SLC9C1: variants seen among roughly 807,000 people sequenced by gnomAD.
SLC9C1 encodes solute carrier family 9 member C1.
Under a neutral mutation model 140.9 loss-of-function variants are expected in SLC9C1, and 97 were observed. The observed-to-expected ratio is 0.69, with a 90% CI of 0.58 to 0.82. The LOEUF (loss-of-function observed/expected upper bound fraction) is 0.82. SLC9C1 is among the 40% of genes least tolerant of loss of function. SLC9C1 has a pLI of 0.00. For missense variants in SLC9C1, 1,340 were observed against 1,389.3 expected, an observed-to-expected ratio of 0.96 and a Z score of 0.56; for synonymous variants, 440 against 442.6, an observed-to-expected ratio of 0.99 and a Z score of 0.07.
At chr3:112,180,058 C>A (rs1438622810) in intron 22 of SLC9C1, among the ~76,000 whole-genome samples, 3 of 152,150 alleles carry the variant, frequency 2.0e-5, no homozygotes, top group Admixed American at 2.0e-4. Flanking sequence ...GAAAGTATGG[C>A]TTTAAAATGA....
At chr3:112,231,578 T>A in intron 12 of SLC9C1, 92 bp from the exon 13 acceptor site, 1 of 1,276,866 alleles carries the variant, frequency 7.8e-7, no homozygotes, top group Non-Finnish European at 1.1e-6. Flanking sequence ...CCAGTTTGCA[T>A]TGAAAAATGG....
chr3:112,197,392 C>T (rs980980984), intron 20 of SLC9C1, among the ~76,000 whole-genome samples: 22 of 152,062 alleles, frequency 1.4e-4, no homozygotes, highest in African/African-American at 4.6e-4. Flanking sequence ...TTAGAAACAG[C>T]GATCAATCAG....
At chr3:112,293,023 C>G (rs1027313846) in intron 1 of SLC9C1, among the ~76,000 whole-genome samples, 1 of 150,026 alleles carries the variant, frequency 6.7e-6, no homozygotes, top group Non-Finnish European at 1.5e-5. Flanking sequence ...AATCCCAGCA[C>G]TTTGGGAGGC....
intron 10 of SLC9C1, among the ~76,000 whole-genome samples, chr3:112,257,562 A>G (rs1344663774): frequency 6.6e-6 from 1 of 152,222 alleles, no homozygotes; most frequent in Non-Finnish European, 1.5e-5. Flanking sequence ...AGATAGATTA[A>G]AGACTTAAAT....
chr3:112,148,237 C>A (rs1254606314), intron 28 of SLC9C1, among the ~76,000 whole-genome samples: 2 of 152,050 alleles, frequency 1.3e-5, no homozygotes, highest in Admixed American at 1.3e-4. Flanking sequence ...ATAATCCATG[C>A]TTTGACTTCC....
At chr3:112,172,335 AAG>A (rs1266348993) in intron 23 of SLC9C1, among the ~76,000 whole-genome samples, 1 of 151,928 alleles carries the variant, frequency 6.6e-6, no homozygotes, top group Non-Finnish European at 1.5e-5. Flanking sequence ...TTTTTGTAAA[AAG>A]AATTAAAAAT....
intron 6 of SLC9C1, 145 bp downstream of exon 6, chr3:112,274,752 C>A: frequency 1.3e-6 from 1 of 760,164 alleles, no homozygotes. Context: ...TGTAATAGTG[C>A]TTTGTAAAGA....
At chr3:112,253,927 A>T (rs2079534290) in intron 10 of SLC9C1, among the ~76,000 whole-genome samples, 1 of 152,230 alleles carries the variant, frequency 6.6e-6, no homozygotes, top group Non-Finnish European at 1.5e-5. Flanking sequence ...AAAGCACACT[A>T]CAAAAATTCC....
chr3:112,227,842 A>G (rs2078722166), intron 13 of SLC9C1, among the ~76,000 whole-genome samples: 1 of 152,162 alleles, frequency 6.6e-6, no homozygotes, highest in South Asian at 2.1e-4. Flanking sequence ...ATACATAAGA[A>G]TACATTTAAC....
intron 20 of SLC9C1, among the ~76,000 whole-genome samples, chr3:112,197,292 C>T (rs904401564): frequency 3.9e-5 from 6 of 152,044 alleles, no homozygotes; most frequent in Non-Finnish European, 5.9e-5. Context: ...CCTTTAAATC[C>T]TTTGGAAGTC....
chr3:112,205,224 G>C (rs1211852243), intron 16 of SLC9C1, among the ~76,000 whole-genome samples: 1 of 151,950 alleles, frequency 6.6e-6, no homozygotes, highest in Non-Finnish European at 1.5e-5. Context: ...CAAAATCAAT[G>C]TACAAAAATC....
intron 11 of SLC9C1, among the ~76,000 whole-genome samples, chr3:112,243,384 A>G (rs4682380): frequency 0.59 from 89,984 of 152,070 alleles, 27,146 homozygotes; most frequent in East Asian, 0.79. Flanking sequence ...AAAGCCAGAG[A>G]CCACTATCCT....
intron 20 of SLC9C1, among the ~76,000 whole-genome samples, chr3:112,189,973 G>A (rs1004534332): frequency 2.0e-4 from 31 of 152,054 alleles, no homozygotes; most frequent in Admixed American, 1.5e-3. Flanking sequence ...GGATTCCTAG[G>A]TATTTTATTC....
At position 112,263,105 on chromosome 3, in the gene SLC9C1, G is replaced by T; in HGVS notation, c.1023-7C>A. The T allele has an allele frequency of 1.3e-6, 2 of 1,556,530 alleles. No individual in the cohort carries two copies. Among genetic ancestry groups the T allele is most frequent in the African/African-American group, 1.4e-5 (1 of 72,090 alleles). ...TAAAAGAAGGGTCAGAAATCTAAAA[G>T]ACAAAACAATTTTTACAAAGTTATT... On this transcript the variant is annotated splice_polypyrimidine_tract_variant and splice_region_variant and intron_variant, in intron 9 of 28. Transcript: ENST00000305815.
intron 26 of SLC9C1, among the ~76,000 whole-genome samples, chr3:112,165,326 C>G (rs2087767): frequency 0.4 from 60,941 of 152,006 alleles, 12,731 homozygotes; most frequent in East Asian, 0.62. Flanking sequence ...GAGCTGCATT[C>G]CTTTAGAGAA....
rs568115904 is a variant in SLC9C1, at chr3:112,178,951, T to TA, written c.2919+579dup. ...AAGATAAATGTTTACTTCTTTCTCT[T>TA]AAAAAATCCATTTTCAAAGTAATAA... On this transcript the variant is annotated intron_variant, in intron 23 of 28. Coordinates refer to ENST00000305815, the MANE Select transcript of SLC9C1 (RefSeq NM_183061.3). Among the ~76,000 whole-genome samples, 144 of 152,224 alleles carry TA rather than the reference T, an allele frequency of 9.5e-4. 1 individual carries two copies. Among genetic ancestry groups the TA allele is most frequent in the Non-Finnish European group, 1.9e-3 (129 of 68,024 alleles).
At chr3:112,216,451 TACCCA>T (rs921223856) in intron 15 of SLC9C1, among the ~76,000 whole-genome samples, 1 of 151,958 alleles carries the variant, frequency 6.6e-6, no homozygotes, top group African/African-American at 2.4e-5. Flanking sequence ...TTTTGCAATA[TACCCA>T]TCTGACAAAG....
chr3:112,177,773 T>C (rs2077367548), intron 23 of SLC9C1, among the ~76,000 whole-genome samples: 2 of 150,528 alleles, frequency 1.3e-5, no homozygotes, highest in East Asian at 2.0e-4. Context: ...CCTCATATAT[T>C]TTATTAAGTT....
chr3:112,220,614 T>C (rs1398285983), intron 14 of SLC9C1, among the ~76,000 whole-genome samples: 2 of 152,200 alleles, frequency 1.3e-5, no homozygotes, highest in Non-Finnish European at 2.9e-5. Flanking sequence ...GGGGATGATC[T>C]GAGGGTACCC....
Sources: allele counts gnomAD v4.1 joint callset (sites outside exome capture counted in the v4.1 genomes callset), GRCh38; gene constraint gnomAD v4.1.1; transcripts MANE v1.5; gene names NCBI Gene and HGNC (gene_info 2026-07-23, HGNC 2026-07-21).